STK33: variants seen among roughly 807,000 people sequenced by gnomAD.
STK33 encodes serine/threonine kinase 33.
A neutral mutation model predicts 58.0 loss-of-function variants in STK33; 52 were observed. The observed-to-expected ratio is 0.90, with a 90% CI of 0.72 to 1.13. STK33 has a LOEUF of 1.13. Ranked by LOEUF, STK33 falls within the 50% of genes most tolerant of loss-of-function variation. The pLI, the probability that STK33 is intolerant of heterozygous loss-of-function variation, is 0.00. For missense variants in STK33, 630 were observed against 604.2 expected, an observed-to-expected ratio of 1.04 and a Z score of -0.45; for synonymous variants, 215 against 200.1, an observed-to-expected ratio of 1.07 and a Z score of -0.63.
At chr11:8,558,499 C>T (rs1055972491) in intron 1 of STK33, among the ~76,000 whole-genome samples, 1 of 151,636 alleles carries the variant, frequency 6.6e-6, no homozygotes, top group African/African-American at 2.4e-5. Flanking sequence ...TGGCACCTTA[C>T]CTTGAAAAAA....
At position 8,471,784 on chromosome 11, in the gene STK33, T is replaced by C. The variant is rs186668404; in HGVS notation, c.339+1379A>G. ...AAATAAAATAAAACTAGTACATGCA[T>C]AGAAAAAGTGAAGTTAATAATTTTT... is the stretch of plus-strand genomic sequence containing the variant. On this transcript the variant is annotated intron_variant, in intron 6 of 15. Coordinates refer to ENST00000687296, the MANE Select transcript of STK33 (RefSeq NM_001352389.2). 5.5e-4 allele frequency among the ~76,000 whole-genome samples: 83 copies of C among 152,246 alleles called. 1 individual carries two copies. The highest frequency in any genetic ancestry group is 1.9e-3 in the African/African-American group (80 of 41,570).
At chr11:8,356,768 C>G in the STK33 span, among the ~76,000 whole-genome samples, 5 of 152,204 alleles carry the variant, frequency 3.3e-5, no homozygotes, top group African/African-American at 4.8e-5. Context: ...GGGACACCAG[C>G]TGTCAGATAG....
At chr11:8,536,972 A>ATCTTTT (rs1955070178) in intron 1 of STK33, among the ~76,000 whole-genome samples, 17 of 65,726 alleles carry the variant, frequency 2.6e-4, no homozygotes, top group Non-Finnish European at 4.0e-4. Context: ...AAAAAAAAAG[A>ATCTTTT]TTTTTTTTTT....
At chr11:8,539,498 C>A (rs1955333326) in intron 1 of STK33, among the ~76,000 whole-genome samples, 2 of 152,178 alleles carry the variant, frequency 1.3e-5, no homozygotes, top group South Asian at 4.1e-4. Flanking sequence ...AAAGTCTCAG[C>A]AAAAACAGGC....
At chr11:8,422,967 T>C (rs1942151462) in intron 14 of STK33, among the ~76,000 whole-genome samples, 1 of 150,640 alleles carries the variant, frequency 6.6e-6, no homozygotes, top group African/African-American at 2.4e-5. Flanking sequence ...CTGGGACTAC[T>C]ACTAAAACTC....
intron 8 of STK33, among the ~76,000 whole-genome samples, chr11:8,458,558 C>G (rs1947154812): frequency 6.6e-6 from 1 of 151,928 alleles, no homozygotes; most frequent in Non-Finnish European, 1.5e-5. Context: ...AAAATACCAA[C>G]AAGAAAGAAA....
At chr11:8,428,975 C>T (rs1943097751) in intron 14 of STK33, among the ~76,000 whole-genome samples, 1 of 151,792 alleles carries the variant, frequency 6.6e-6, no homozygotes, top group Admixed American at 6.6e-5. Context: ...TAAATTTGAA[C>T]TTTTTTTGTA....
intron 14 of STK33, among the ~76,000 whole-genome samples, chr11:8,425,209 G>C (rs1942559522): frequency 6.6e-6 from 1 of 152,132 alleles, no homozygotes; most frequent in Non-Finnish European, 1.5e-5. Flanking sequence ...CATATGGCTA[G>C]CAGGTTTTCC....
chr11:8,581,287 G>A (rs2141343570), intron 1 of STK33, among the ~76,000 whole-genome samples: 1 of 152,084 alleles, frequency 6.6e-6, no homozygotes, highest in Non-Finnish European at 1.5e-5. Context: ...TATATGTTTG[G>A]AAATGTATAT....
At chr11:8,464,655 A>C in intron 7 of STK33, 54 bp downstream of exon 7, 1 of 1,328,428 alleles carries the variant, frequency 7.5e-7, no homozygotes, top group Non-Finnish European at 1.1e-6. Context: ...TACTGTCCAC[A>C]CCCACCCTGC....
At chr11:8,441,238 C>A (rs1591078733) in intron 11 of STK33, among the ~76,000 whole-genome samples, 1 of 152,060 alleles carries the variant, frequency 6.6e-6, no homozygotes, top group African/African-American at 2.4e-5. Context: ...GAACTATTTT[C>A]TGCATTTTCA....
chr11:8,338,082 C>A, the STK33 span, among the ~76,000 whole-genome samples: 1 of 152,262 alleles, frequency 6.6e-6, no homozygotes, highest in Non-Finnish European at 1.5e-5. Context: ...GCAGGGGCTT[C>A]TGCCCCTTTT....
chr11:8,541,228 C>T (rs1313957718), intron 1 of STK33, among the ~76,000 whole-genome samples: 2 of 151,984 alleles, frequency 1.3e-5, no homozygotes, highest in African/African-American at 4.8e-5. Flanking sequence ...TAAAAACTGA[C>T]CTAATTTACT....
chr11:8,575,330 T>C lies in STK33; in HGVS notation c.-466+18753A>G, dbSNP rs547302809. Among the ~76,000 whole-genome samples, 10 of 152,276 alleles carry C rather than the reference T, an allele frequency of 6.6e-5. No homozygotes were observed. In the East Asian group the frequency reaches 1.5e-3, roughly 24 times the overall value. ...TCACTCACTGCAGCATTATTTACAATAGCCAATAGACACAAACAACCCAAG... is the reference window on the plus strand; with the variant it reads ...TCACTCACTGCAGCATTATTTACAACAGCCAATAGACACAAACAACCCAAG... On this transcript the variant is annotated intron_variant, in intron 1 of 15. Transcript: ENST00000687296.
At chr11:8,569,129 T>G (rs1387395062) in intron 1 of STK33, among the ~76,000 whole-genome samples, 1 of 152,108 alleles carries the variant, frequency 6.6e-6, no homozygotes, top group Non-Finnish European at 1.5e-5. Context: ...GGCTGCACAG[T>G]TTATAGAAAT....
At chr11:8,478,436 T>C (rs764767543) in intron 2 of STK33, among the ~76,000 whole-genome samples, 1 of 152,204 alleles carries the variant, frequency 6.6e-6, no homozygotes. Context: ...ACTTAACTAA[T>C]ACATGAGCCT....
chr11:8,512,344 A>T (rs1952402631), intron 1 of STK33, among the ~76,000 whole-genome samples: 1 of 151,890 alleles, frequency 6.6e-6, no homozygotes, highest in South Asian at 2.1e-4. Context: ...CAAAAAAAAT[A>T]TCAACCAGAG....
intron 1 of STK33, among the ~76,000 whole-genome samples, chr11:8,527,480 T>G (rs534393533): frequency 6.6e-5 from 10 of 150,858 alleles, no homozygotes; most frequent in Non-Finnish European, 1.2e-4. Flanking sequence ...GAGTTTTTGT[T>G]TTTTTTTTTA....
intron 15 of STK33, among the ~76,000 whole-genome samples, chr11:8,402,365 A>T (rs933875880): frequency 6.6e-6 from 1 of 152,126 alleles, no homozygotes; most frequent in Non-Finnish European, 1.5e-5. Context: ...TATCACAAGG[A>T]CAAAAAACCA....
Sources: gnomAD v4.1 joint callset for allele counts (sites outside exome capture counted in the v4.1 genomes callset) on GRCh38, gnomAD v4.1.1 for gene constraint, MANE v1.5 for transcripts, NCBI Gene and HGNC (gene_info 2026-07-23, HGNC 2026-07-21) for gene names.